The following MYL5 variants were observed in gnomAD, a reference collection of about 807,000 sequenced individuals.
The protein encoded by MYL5 is myosin regulatory light chain 5.
A neutral mutation model predicts 20.8 loss-of-function variants in MYL5; 28 were observed. The observed-to-expected ratio is 1.35, with a 90% confidence interval of 1.00 to 1.84. The LOEUF (loss-of-function observed/expected upper bound fraction) is 1.84, where lower values mean the gene tolerates loss of function less well. MYL5 is among the 40% of genes most tolerant of loss of function. The pLI is 0.00. For missense variants in MYL5, 274 were observed against 227.3 expected, an observed-to-expected ratio of 1.21 and a Z score of -1.32; for synonymous variants, 118 against 87.4, an observed-to-expected ratio of 1.35 and a Z score of -1.95.
At chr4:677,869 C>A, upstream of MYL5, 1 of 1,276,284 alleles carries the variant, frequency 7.8e-7, no homozygotes, top group Non-Finnish European at 1.1e-6. Context: ...GCTGCCAAAG[C>A]TCACTCTGCA....
chr4:680,001 T>A (rs754671015), exon 4 of MYL5: 1 of 1,613,062 alleles, frequency 6.2e-7, no homozygotes, highest in Non-Finnish European at 8.5e-7. Context: ...CTGAACCTGT[T>A]TGGGGAGAAG....
chr4:678,370 A>T, intron 1 of MYL5: 1 of 1,412,614 alleles, frequency 7.1e-7, no homozygotes, highest in Non-Finnish European at 9.2e-7. Flanking sequence ...TCAGAGGCCA[A>T]GCTGGCTCCT....
At chr4:681,640 GCCCCGCC>G (rs2109368822) in intron 6 of MYL5, among the ~76,000 whole-genome samples, 1 of 9,004 alleles carries the variant, frequency 1.1e-4, no homozygotes, top group East Asian at 3.8e-3. Context: ...CTCCAGCGCC[GCCCCGCC>G]CCCTCCAGCG....
At chr4:676,773 G>T, upstream of MYL5, 1 of 489,892 alleles carries the variant, frequency 2.0e-6, no homozygotes, top group Non-Finnish European at 2.7e-6. Context: ...AGCAGGGGAT[G>T]CCCTGGCCCT....
chr4:680,089 T>TA, intron 4 of MYL5, 71 bp downstream of exon 6: 5 of 1,345,850 alleles, frequency 3.7e-6, no homozygotes, highest in Non-Finnish European at 5.1e-6. Flanking sequence ...ACATTTCACG[T>TA]AAAAATCTCT....
intron 2 of MYL5, 84 bp from the exon 5 acceptor site, chr4:678,874 C>T (rs542598674): frequency 3.9e-5 from 62 of 1,606,542 alleles, no homozygotes; most frequent in Non-Finnish European, 5.0e-5. Flanking sequence ...TATCCTCAGT[C>T]AGGGGTGCTG....
chr4:681,658 C>A (rs1371592503), intron 6 of MYL5, among the ~76,000 whole-genome samples: 5 of 48,776 alleles, frequency 1.0e-4, no homozygotes, highest in Non-Finnish European at 2.1e-4. Context: ...CCCTCCAGCG[C>A]CGCCCCGCCC....
exon 4 of MYL5, chr4:679,975 C>G (rs370849142): frequency 6.2e-7 from 1 of 1,613,506 alleles, no homozygotes; most frequent in South Asian, 1.1e-5. Flanking sequence ...CGGGGCCCAT[C>G]AACTTCACCA....
intron 3 of MYL5, 126 bp downstream of exon 5, chr4:679,159 C>T (rs1739173582): frequency 1.1e-6 from 1 of 926,652 alleles, no homozygotes; most frequent in Non-Finnish European, 1.7e-6. Context: ...CCACCAACGG[C>T]CCTGAAGCTG....
At chr4:681,793 C>T (rs1739695179) in intron 6 of MYL5, 100 bp from the exon 9 acceptor site, 1 of 1,238,884 alleles carries the variant, frequency 8.1e-7, no homozygotes, top group Non-Finnish European at 1.0e-6. Flanking sequence ...CTCCCCGCTC[C>T]CCCTCCCGCG....
intron 3 of MYL5, 167 bp downstream of exon 5, chr4:679,200 C>T (rs760572948): frequency 1.3e-5 from 10 of 748,996 alleles, no homozygotes; most frequent in Admixed American, 1.0e-4. Context: ...CCCTTGGTTC[C>T]ATCAGAGCTG....
At chr4:677,908 G>C (rs1009241445), upstream of MYL5, 33 of 1,570,418 alleles carry the variant, frequency 2.1e-5, no homozygotes, top group Non-Finnish European at 2.6e-5. Context: ...GTAGCCCCAA[G>C]CCTGTCCTTG....
upstream of MYL5, chr4:676,947 C>T: frequency 1.0e-5 from 10 of 985,208 alleles, no homozygotes; most frequent in Non-Finnish European, 1.2e-5. Flanking sequence ...TCAGGGGACG[C>T]CAACTGTGAC....
At chr4:678,544 G>C in intron 1 of MYL5, 114 bp from the exon 4 acceptor site, 1 of 1,472,846 alleles carries the variant, frequency 6.8e-7, no homozygotes, top group Admixed American at 2.6e-5. Flanking sequence ...GCCCCCTCCA[G>C]CCCGAAGGGC....
chr4:675,115 C>T (rs932375743), upstream of MYL5: 1 of 152,500 alleles, frequency 6.6e-6, no homozygotes, highest in Non-Finnish European at 1.5e-5. Context: ...CCACTGAGCC[C>T]CACACTGGTC....
chr4:680,397 G>C, intron 4 of MYL5, 112 bp from the exon 7 acceptor site: 2 of 1,142,428 alleles, frequency 1.8e-6, no homozygotes, highest in Non-Finnish European at 2.6e-6. Flanking sequence ...TGTGGGCAGA[G>C]GCTTGGAGTC....
chr4:677,921 G>A, upstream of MYL5: 1 of 1,592,662 alleles, frequency 6.3e-7, no homozygotes, highest in South Asian at 1.1e-5. Flanking sequence ...TGTCCTTGTA[G>A]GGAGTGGCAG....
At chr4:681,854 C>G (rs777137360) in intron 6 of MYL5, 39 bp from the exon 9 acceptor site, 4 of 1,304,918 alleles carry the variant, frequency 3.1e-6, no homozygotes, top group African/African-American at 1.5e-5. Context: ...GTAATTCGCT[C>G]CCGGAGCCCG....
rs74282734 is a variant in MYL5, at chr4:678,107, G to A, written c.3+78G>A. The stretch of plus-strand genomic sequence containing the variant: ...TGTGCATGTGTACATGCGCACAGAC[G>A]AGCGTGGGCGTGTCCGTGCTTGCGT... On this transcript the variant is annotated intron_variant, in intron 1 of 6. Coordinates refer to ENST00000400159, the Ensembl canonical transcript of MYL5. 2.2e-5 allele frequency: 31 copies of A among 1,417,450 alleles called. 1 individual carries two copies. The highest frequency in any genetic ancestry group is 1.2e-4 in the South Asian group (10 of 81,164). 87.8% of individuals were successfully genotyped at this position (1,417,450 alleles called of 1,614,324 possible). A position where few individuals can be genotyped will look rare whatever the true frequency, so the allele number is the denominator to read the frequency against.
Sources: gnomAD v4.1 joint callset for allele counts (sites outside exome capture counted in the v4.1 genomes callset) on GRCh38, gnomAD v4.1.1 for gene constraint, MANE v1.5 for transcripts, NCBI Gene and HGNC (gene_info 2026-07-23, HGNC 2026-07-21) for gene names.